MYO15A: variants seen among roughly 807,000 people sequenced by gnomAD.
MYO15A encodes myosin XVA.
Under a neutral mutation model 394.6 loss-of-function variants are expected in MYO15A, and 308 were observed. The observed-to-expected ratio is 0.78, with a 90% CI of 0.71 to 0.86. The LOEUF is 0.86. Ranked by LOEUF, MYO15A falls within the 40% of genes least tolerant of loss-of-function variation. The pLI, the probability that MYO15A is intolerant of heterozygous loss-of-function variation, is 0.00. For missense variants in MYO15A, 4,606 were observed against 4,799.1 expected (o/e 0.96, Z 1.19); for synonymous variants, 1,957 against 2,003.8 (o/e 0.98, Z 0.62).
Position 18,147,344 on chromosome 17 carries a change from C to T in MYO15A, c.6510-685C>T, listed in dbSNP as rs1229815380. 6.6e-6 allele frequency among the ~76,000 whole-genome samples: 1 copy of T among 152,310 alleles called. No individual in the cohort carries two copies. The highest frequency in any genetic ancestry group is 1.9e-4 in the East Asian group (1 of 5,190). ...GTGGCAGCTGACAGCAGGGTAAGGC[C>T]GTTGCTGGTCTGCCTGCCTGGGGCT... On this transcript the variant is annotated intron_variant, in intron 30 of 65. Transcript: ENST00000647165. This position sits in a 1 kb window ranked among gnomAD's most constrained non-coding sequence, Gnocchi z 4.4.
rs998239402 is a variant in MYO15A at position 18,153,882 on chromosome 17, T to C, written c.8074T>C (p.Phe2692Leu). The part of the protein sequence containing the change: ...YGYQDAPWKI[F>L]LRKEVFYPKD... ...CTATCAGGACGCCCCCTGGAAGATC[T>C]TCCTGCGCAAAGAGGTGCCGAGCAC... Residue 2692 changes from phenylalanine to leucine, a missense_variant, in exon 43 of 66, where the codon TTC (phenylalanine) becomes CTC (leucine). Coordinates refer to ENST00000647165, the MANE Select transcript of MYO15A (RefSeq NM_016239.4). This position sits in a 1 kb window ranked among gnomAD's most constrained non-coding sequence, Gnocchi z 4.1. 1.2e-6 allele frequency: 2 copies of C among 1,613,608 alleles called. No homozygotes were observed. Among genetic ancestry groups the C allele is most frequent in the Non-Finnish European group, 1.7e-6 (2 of 1,180,016 alleles).
In MYO15A at chr17:18,143,875, G is replaced by A. The variant is rs2272571; in HGVS notation, c.6052G>A (p.Gly2018Arg). The A allele has an allele frequency of 0.14, 225,786 of 1,581,876 alleles. 20,908 individuals are homozygous for A. The highest frequency in any genetic ancestry group is 0.5 in the East Asian group (21,677 of 43,644). ...ATTCCCTCCTCTTTCCACAGGCCTCGGGCTGGCCCAGGTGCCTCAGGTGGC... is the reference window on the plus strand; with the variant it reads ...ATTCCCTCCTCTTTCCACAGGCCTCAGGCTGGCCCAGGTGCCTCAGGTGGC... ...AGLLQAVAGL[G>R]LAQVPQVAPV... is the part of the protein sequence containing the mutation. Residue 2018 changes from glycine (G) to arginine (R), a missense_variant, in exon 28 of 66, where the codon GGG becomes AGG. By Grantham distance (125) the Gly-to-Arg change is moderately radical. Coordinates refer to ENST00000647165, the MANE Select transcript of MYO15A (RefSeq NM_016239.4).
At chr17:18,178,455 T>C in intron 65 of MYO15A, 1 of 501,128 alleles carries the variant, frequency 2.0e-6, no homozygotes, top group South Asian at 2.0e-5. Context: ...CCTGGTCAAT[T>C]GAGACCTTAC....
Position 18,135,835 on chromosome 17 carries a change from G to A in MYO15A, c.4596+11G>A, listed in dbSNP as rs1374763274. On this transcript the variant is annotated intron_variant, in intron 13 of 65. Transcript: ENST00000647165. ...ACCTTCAAAGTGACCGTGAGTCTGT[G>A]GGCATCTGGCCTTCGAACAAAGCTT... 3 of 1,611,324 alleles carry A rather than the reference G, an allele frequency of 1.9e-6. No homozygotes were observed. Among genetic ancestry groups the A allele is most frequent in the South Asian group, 2.2e-5 (2 of 90,624 alleles).
intron 41 of MYO15A, 25 bp from the exon 42 acceptor site, chr17:18,152,087 G>A (rs1056228508): frequency 6.4e-7 from 1 of 1,551,076 alleles, no homozygotes; most frequent in Non-Finnish European, 8.7e-7. Flanking sequence ...GTTGCCCCCT[G>A]AGCAGTCTCT....
At chr17:18,168,574 A>T (rs914591782) in intron 62 of MYO15A, among the ~76,000 whole-genome samples, 2 of 131,294 alleles carry the variant, frequency 1.5e-5, no homozygotes, top group South Asian at 4.5e-4. Context: ...TCTCAAAAAA[A>T]AAAAAAGAAA....
rs201749134 is a variant in MYO15A at position 18,119,035 on chromosome 17, G to T, written c.235G>T (p.Val79Leu). The part of the protein sequence containing the change: ...KTKRKRKART[V>L]LKSTSKLMTQ... The stretch of plus-strand genomic sequence containing the variant: ...CAAGCGCAAGAGGAAGGCCCGCACC[G>T]TGCTCAAGTCCACGTCAAAGCTCAT... Residue 79 changes from valine to leucine, a missense_variant, in exon 2 of 66, where the codon GTG becomes TTG. Around this residue, in one of 2 missense-constraint regions of MYO15A, gnomAD observed 1,830 missense variants for 1,689.7 expected, o/e 1.08. Transcript: ENST00000647165. 1 of 1,612,582 alleles carries T rather than the reference G, an allele frequency of 6.2e-7. No homozygotes were observed. Among genetic ancestry groups the T allele is most frequent in the African/African-American group, 1.3e-5 (1 of 75,058 alleles).
rs774563579 is a variant in MYO15A at position 18,121,482 on chromosome 17, G to T, written c.2682G>T (p.Pro894=). Residue 894 remains proline, a synonymous_variant, in exon 2 of 66, where the codon CCG becomes CCT. Coordinates refer to ENST00000647165, the MANE Select transcript of MYO15A (RefSeq NM_016239.4). The surrounding 1 kb of genome is among the most constrained non-coding windows in gnomAD (Gnocchi z 5.3). The part of the protein sequence containing the change: ...KPQVRLPFHR[P]PRAGAWRAPL... The stretch of plus-strand genomic sequence containing the variant: ...AAGTGCGCCTGCCCTTCCACCGACC[G>T]CCCAGGGCCGGGGCCTGGCGGGCGC... 2 of 1,550,804 alleles carry T rather than the reference G, an allele frequency of 1.3e-6. No individual in the cohort carries two copies. The highest frequency in any genetic ancestry group is 2.4e-5 in the East Asian group (1 of 41,078).
At chr17:18,130,738 G>T (rs910250423) in intron 7 of MYO15A, 67 bp from the exon 8 acceptor site, 1 of 1,610,208 alleles carries the variant, frequency 6.2e-7, no homozygotes. Context: ...AGTGGTGGTC[G>T]GTCCTGCTAG....
At chr17:18,172,398 A>G in intron 64 of MYO15A, 108 bp downstream of exon 64, 2 of 1,481,154 alleles carry the variant, frequency 1.4e-6, no homozygotes, top group Non-Finnish European at 1.9e-6. Flanking sequence ...TCCACTGCTT[A>G]CCACCTTCAT....
chr17:18,119,727 C>T lies in MYO15A; in HGVS notation c.927C>T (p.Tyr309=), dbSNP rs773152876. ...CGGGGTACACCTACGGCTACGGCTA[C>T]GACGATTACGAACCCCCATATGCGC... ...FDPGYTYGYG[Y]DDYEPPYAPP... Residue 309 remains tyrosine (Y), a synonymous_variant, in exon 2 of 66, where the codon TAC becomes TAT. Coordinates refer to ENST00000647165, the MANE Select transcript of MYO15A (RefSeq NM_016239.4). 1.9e-5 allele frequency: 31 copies of T among 1,612,156 alleles called. No homozygotes were observed. Among genetic ancestry groups the T allele is most frequent in the African/African-American group, 1.3e-5 (1 of 74,890 alleles).
chr17:18,160,102 C>T, intron 56 of MYO15A, 85 bp downstream of exon 56: 1 of 1,262,776 alleles, frequency 7.9e-7, no homozygotes, highest in Non-Finnish European at 1.1e-6. Flanking sequence ...CCTCCTCAGG[C>T]CTGACCCCTC....
rs566210647 is a variant in MYO15A at position 18,151,498 on chromosome 17, G to C, written c.7758G>C (p.Pro2586=). 6.2e-7 allele frequency: 1 copy of C among 1,614,170 alleles called. No individual in the cohort carries two copies. The highest frequency in any genetic ancestry group is 1.7e-5 in the Admixed American group (1 of 60,032). Reference sequence around the variant, plus strand: ...ATATTGTCAGGCAGTACCAGCAGCCGTTCCGGGGAGGCCGGCCTGAGGCCC... The same window carrying C: ...ATATTGTCAGGCAGTACCAGCAGCCCTTCCGGGGAGGCCGGCCTGAGGCCC... ...IKNIVRQYQQ[P]FRGGRPEALR... The change falls in exon 40 of 66, where the codon CCG becomes CCC. Residue 2586 remains proline, a synonymous_variant. Transcript: ENST00000647165.
At chr17:18,140,486 G>A in intron 19 of MYO15A, 31 bp from the exon 20 acceptor site, 1 of 1,613,238 alleles carries the variant, frequency 6.2e-7, no homozygotes. Context: ...GACCCTGCCT[G>A]TCTGTTTTCC....
rs377177611 is a variant in MYO15A at position 18,121,912 on chromosome 17, GTCACTCCCCCCAAGGATA to G, written c.3130_3147del (p.Ile1044_Asp1049del). ...TCCAACCCCAGCACCTCCCAAGGAT[GTCACTCCCCCCAAGGATA>G]TCACTCCCCCCAAGGATGTCCTCCC... is the stretch of plus-strand genomic sequence containing the variant. On this transcript the variant is annotated inframe_deletion, in exon 2 of 66. Coordinates refer to ENST00000647165, the MANE Select transcript of MYO15A (RefSeq NM_016239.4). This position sits in a 1 kb window ranked among gnomAD's most constrained non-coding sequence, Gnocchi z 5.3. 2.0e-5 allele frequency: 32 copies of G among 1,612,842 alleles called. No homozygotes were observed. Among genetic ancestry groups the G allele is most frequent in the East Asian group, 1.6e-4 (7 of 44,856 alleles).
intron 40 of MYO15A, among the ~76,000 whole-genome samples, 154 bp from the exon 41 acceptor site, chr17:18,151,692 T>A (rs1012744891): frequency 1.3e-5 from 2 of 152,168 alleles, no homozygotes; most frequent in African/African-American, 4.8e-5. Context: ...GTCTAGGTTG[T>A]GCTGTAGGAC....
chr17:18,120,341 A>G lies in MYO15A; in HGVS notation c.1541A>G (p.Glu514Gly), dbSNP rs2045890231. The change falls in exon 2 of 66, where the codon GAG (glutamate) becomes GGG (glycine). Residue 514 changes from glutamate to glycine, a missense_variant. Glu to Gly is a moderately conservative substitution (Grantham distance 98, BLOSUM62 -2). Around this residue, in one of 2 missense-constraint regions of MYO15A, gnomAD observed 1,830 missense variants for 1,689.7 expected, o/e 1.08. Transcript: ENST00000647165. ...CCCTTGGGGGATGCGGACGAAGAAG[A>G]GGACGAGGAGGAGCTGCCCCCGGTT... is the stretch of plus-strand genomic sequence containing the variant. Reference protein sequence around the residue: ...PLPLGDADEEEDEEELPPVSA... With the variant: ...PLPLGDADEEGDEEELPPVSA... The G allele has an allele frequency of 1.2e-6, 2 of 1,612,140 alleles. No homozygotes were observed. Among genetic ancestry groups the G allele is most frequent in the Admixed American group, 1.7e-5 (1 of 59,992 alleles).
Position 18,127,071 on chromosome 17 carries a change from TC to T in MYO15A, c.3942-3del. 6.2e-7 allele frequency: 1 copy of T among 1,613,948 alleles called. No individual in the cohort carries two copies. The highest frequency in any genetic ancestry group is 1.3e-5 in the African/African-American group (1 of 74,978). ...GAGCTCACTCTGCCCCTTTGCTCGG[TC>T]AGTGGAGAGAGCGGCTCTGGCAAAA... On this transcript the variant is annotated splice_region_variant and splice_polypyrimidine_tract_variant and intron_variant, in intron 6 of 65. Coordinates refer to ENST00000647165, the MANE Select transcript of MYO15A (RefSeq NM_016239.4).
chr17:18,161,607 A>C (rs1174734849), intron 57 of MYO15A, among the ~76,000 whole-genome samples, 160 bp downstream of exon 57: 1 of 152,226 alleles, frequency 6.6e-6, no homozygotes, highest in South Asian at 2.1e-4. Flanking sequence ...TTAAGGTTTC[A>C]CAGGGGCTGG....
Sources: allele counts gnomAD v4.1 joint callset (sites outside exome capture counted in the v4.1 genomes callset), GRCh38; gene constraint gnomAD v4.1.1; regional missense constraint gnomAD v4.1.1; non-coding constraint Gnocchi (gnomAD v3.1); transcripts MANE v1.5; gene names NCBI Gene and HGNC (gene_info 2026-07-23, HGNC 2026-07-21).